The following NR1D2 variants were observed in gnomAD, a reference collection of about 807,000 sequenced individuals.
The protein encoded by NR1D2 is V-erbA-related protein 1-related.
A neutral mutation model predicts 52.2 loss-of-function variants in NR1D2; 25 were observed. The ratio of observed to expected loss-of-function variants is 0.48; its 90% confidence interval spans 0.35 to 0.67. The LOEUF (loss-of-function observed/expected upper bound fraction) is 0.67. Among genes scored for constraint, NR1D2 ranks in the 30% least tolerant of loss-of-function variants. NR1D2 has a pLI of 0.01. For missense variants in NR1D2, 681 were observed against 707.2 expected (o/e 0.96, Z 0.42); for synonymous variants, 259 against 230.1 (o/e 1.13, Z -1.14).
chr3:23,960,754 C>G (rs2125289910), intron 4 of NR1D2, among the ~76,000 whole-genome samples: 1 of 152,208 alleles, frequency 6.6e-6, no homozygotes, highest in East Asian at 1.9e-4. Flanking sequence ...TGTGATTGCC[C>G]TGAAAGAATA....
chr3:23,957,945 A>C (rs1481043224), intron 3 of NR1D2, among the ~76,000 whole-genome samples: 1 of 152,242 alleles, frequency 6.6e-6, no homozygotes, highest in Admixed American at 6.5e-5. Flanking sequence ...TACTTAGTAT[A>C]GATTCGGGAA....
chr3:23,957,262 C>T (rs1285939894), intron 3 of NR1D2, among the ~76,000 whole-genome samples: 1 of 150,986 alleles, frequency 6.6e-6, no homozygotes, highest in Non-Finnish European at 1.5e-5. Flanking sequence ...GGATTACAGG[C>T]GTGAGCCACG....
chr3:23,953,717 T>G (rs1706006772), intron 1 of NR1D2, among the ~76,000 whole-genome samples: 1 of 152,244 alleles, frequency 6.6e-6, no homozygotes, highest in Non-Finnish European at 1.5e-5. Flanking sequence ...ATTTACCTTA[T>G]CTACCATTCT....
chr3:23,965,197 A>G (rs779299004), intron 6 of NR1D2, 35 bp downstream of exon 6: 1 of 1,221,582 alleles, frequency 8.2e-7, no homozygotes, highest in South Asian at 1.4e-5. Context: ...TGATGCAGGC[A>G]GGGCATGTAG....
chr3:23,959,666 C>A lies in NR1D2; in HGVS notation c.373-5C>A. 6.2e-7 allele frequency: 1 copy of A among 1,606,780 alleles called. No individual in the cohort carries two copies. Among genetic ancestry groups the A allele is most frequent in the South Asian group, 1.1e-5 (1 of 89,614 alleles). ...ATGGGTAAGTAAATCTTCCTTTGTT[C>A]TTAGGGTTTCTTTCGGAGAAGTATT... On this transcript the variant is annotated splice_region_variant and splice_polypyrimidine_tract_variant and intron_variant, in intron 3 of 7. Transcript: ENST00000312521.
At chr3:23,961,541 G>A (rs771275470) in intron 4 of NR1D2, among the ~76,000 whole-genome samples, 55 of 151,498 alleles carry the variant, frequency 3.6e-4, no homozygotes, top group Non-Finnish European at 6.5e-4. Flanking sequence ...GACTACAGGC[G>A]CCCGCCATCA....
At chr3:23,947,148 T>A (rs1280569436) in intron 1 of NR1D2, among the ~76,000 whole-genome samples, 2 of 152,228 alleles carry the variant, frequency 1.3e-5, no homozygotes, top group African/African-American at 4.8e-5. Flanking sequence ...AGAATTAAAC[T>A]TCTACATGTT....
chr3:23,960,111 A>G (rs559777556), intron 4 of NR1D2, among the ~76,000 whole-genome samples: 2 of 152,298 alleles, frequency 1.3e-5, no homozygotes, highest in South Asian at 4.1e-4. Context: ...ATGGAGTTTA[A>G]AAACATTTTT....
chr3:23,959,591 A>G (rs1372537096), intron 3 of NR1D2, 80 bp from the exon 4 acceptor site: 7 of 1,355,158 alleles, frequency 5.2e-6, no homozygotes, highest in East Asian at 2.3e-5. Flanking sequence ...CATATACACT[A>G]GATAGGTATG....
rs896000108 is a variant in NR1D2 at position 23,979,448 on chromosome 3, A to T, written c.*2029A>T. ...TTGATTCTTAATTTTTGCCTTTTGC[A>T]TAAGCCTCTTTATAACATGTATCTT... On this transcript the variant is annotated 3_prime_UTR_variant, in exon 8 of 8. Coordinates refer to ENST00000312521, the MANE Select transcript of NR1D2 (RefSeq NM_005126.5). The T allele has an allele frequency of 6.6e-6, 1 of 152,134 alleles. No individual in the cohort carries two copies. Among genetic ancestry groups the T allele is most frequent in the Non-Finnish European group, 1.5e-5 (1 of 67,952 alleles). 9.4% of individuals were successfully genotyped at this position (152,134 alleles called of 1,614,324 possible). A position where few individuals can be genotyped will look rare whatever the true frequency, so the allele number is the denominator to read the frequency against.
At chr3:23,972,467 A>C (rs1028826156) in intron 7 of NR1D2, among the ~76,000 whole-genome samples, 3 of 152,212 alleles carry the variant, frequency 2.0e-5, no homozygotes, top group African/African-American at 7.2e-5. Flanking sequence ...CTGGAAGGTA[A>C]GTTTCTTTTC....
At chr3:23,957,735 A>C (rs552088394) in intron 3 of NR1D2, among the ~76,000 whole-genome samples, 1 of 152,160 alleles carries the variant, frequency 6.6e-6, no homozygotes, top group African/African-American at 2.4e-5. Flanking sequence ...AAAAAAAAAA[A>C]AGTGAAGTAA....
At chr3:23,961,385 CTTTCTTTTTT>C (rs1706238036) in intron 4 of NR1D2, among the ~76,000 whole-genome samples, 1 of 108,282 alleles carries the variant, frequency 9.2e-6, no homozygotes, top group Non-Finnish European at 1.9e-5. Context: ...TTTTCTTTTT[CTTTCTTTTTT>C]TTTTTTTTTT....
chr3:23,956,002 T>C, intron 2 of NR1D2, 35 bp from the exon 3 acceptor site: 2 of 1,467,434 alleles, frequency 1.4e-6, no homozygotes, highest in Non-Finnish European at 1.9e-6. Flanking sequence ...CGGTGTTTCC[T>C]CCTACTTTTT....
intron 7 of NR1D2, among the ~76,000 whole-genome samples, chr3:23,973,194 CAT>C (rs1686534259): frequency 6.6e-6 from 1 of 152,156 alleles, no homozygotes; most frequent in Non-Finnish European, 1.5e-5. Flanking sequence ...AATTACTAAT[CAT>C]ATGATTGAAA....
intron 7 of NR1D2, among the ~76,000 whole-genome samples, chr3:23,976,438 A>G (rs1342226749): frequency 6.6e-6 from 1 of 152,200 alleles, no homozygotes; most frequent in Non-Finnish European, 1.5e-5. Flanking sequence ...GTGGTCTCAT[A>G]TGAAGGCTTG....
intron 7 of NR1D2, among the ~76,000 whole-genome samples, chr3:23,976,082 A>G (rs553431911): frequency 6.6e-6 from 1 of 152,360 alleles, no homozygotes; most frequent in South Asian, 2.1e-4. Flanking sequence ...ACTCTTGCTG[A>G]TGAAAACATC....
At chr3:23,947,619 A>T (rs1162072241) in intron 1 of NR1D2, among the ~76,000 whole-genome samples, 2 of 152,234 alleles carry the variant, frequency 1.3e-5, no homozygotes, top group Non-Finnish European at 2.9e-5. Flanking sequence ...CTTGCAGTCA[A>T]CTAGGACCTT....
intron 2 of NR1D2, 100 bp from the exon 3 acceptor site, chr3:23,955,936 TA>T: frequency 1.3e-6 from 1 of 744,150 alleles, no homozygotes; most frequent in Non-Finnish European, 2.3e-6. Context: ...GTGTATCTTC[TA>T]AAAGCTCTTA....
Sources: allele counts gnomAD v4.1 joint callset (sites outside exome capture counted in the v4.1 genomes callset), GRCh38; gene constraint gnomAD v4.1.1; transcripts MANE v1.5; gene names NCBI Gene and HGNC (gene_info 2026-07-23, HGNC 2026-07-21).